The following MLIP variants were observed in gnomAD, a reference collection of about 807,000 sequenced individuals.
The protein encoded by MLIP is muscular LMNA interacting protein.
Under a neutral mutation model 84.8 loss-of-function variants are expected in MLIP, and 79 were observed. The ratio of observed to expected loss-of-function variants is 0.93; its 90% CI spans 0.78 to 1.12. The LOEUF is 1.12. Ranked by LOEUF, MLIP falls within the 50% of genes most tolerant of loss-of-function variation. The probability of loss-of-function intolerance (pLI) is 0.00; values close to 1 mark genes in which losing one functional copy is unlikely to be tolerated. For missense variants in MLIP, 1,257 were observed against 1,160.6 expected (o/e 1.08, Z -1.21); for synonymous variants, 504 against 463.0 (o/e 1.09, Z -1.14).
At chr6:54,122,383 G>A (rs1770531492) in intron 2 of MLIP, among the ~76,000 whole-genome samples, 1 of 152,106 alleles carries the variant, frequency 6.6e-6, no homozygotes, top group African/African-American at 2.4e-5. Context: ...GATGGGAAGT[G>A]AAATTACACA....
chr6:54,195,929 G>T (rs1431117840), intron 10 of MLIP, among the ~76,000 whole-genome samples: 3 of 152,120 alleles, frequency 2.0e-5, no homozygotes, highest in Non-Finnish European at 4.4e-5. Context: ...AAATGAAGAA[G>T]ATTAAAATCG....
chr6:54,263,834 T>A (rs1369471434), intron 13 of MLIP, among the ~76,000 whole-genome samples: 2 of 152,112 alleles, frequency 1.3e-5, no homozygotes, highest in Non-Finnish European at 2.9e-5. Flanking sequence ...TGTTGTTTCA[T>A]TGGCAATATA....
At chr6:54,197,790 A>G (rs1562046777) in intron 10 of MLIP, among the ~76,000 whole-genome samples, 1 of 152,108 alleles carries the variant, frequency 6.6e-6, no homozygotes, top group African/African-American at 2.4e-5. Flanking sequence ...AATATTGCTG[A>G]ACAATGACAA....
chr6:54,214,239 T>G (rs1488416423), intron 11 of MLIP, among the ~76,000 whole-genome samples: 1 of 152,208 alleles, frequency 6.6e-6, no homozygotes, highest in Non-Finnish European at 1.5e-5. Flanking sequence ...TCCCTCTTTT[T>G]GTAAAAGGCT....
chr6:54,057,169 T>G (rs1188628078), intron 1 of MLIP, among the ~76,000 whole-genome samples: 1 of 152,202 alleles, frequency 6.6e-6, no homozygotes, highest in African/African-American at 2.4e-5. Flanking sequence ...CCCAAAGACA[T>G]GCACAGCTAG....
intron 9 of MLIP, among the ~76,000 whole-genome samples, chr6:54,170,602 T>C (rs1348021262): frequency 6.6e-6 from 1 of 151,546 alleles, no homozygotes; most frequent in African/African-American, 2.4e-5. Context: ...AAAATCACAG[T>C]GTTGCTTTTA....
At chr6:54,027,408 C>T (rs141398314) in intron 1 of MLIP, among the ~76,000 whole-genome samples, 1 of 111,042 alleles carries the variant, frequency 9.0e-6, no homozygotes, top group East Asian at 4.1e-4. Context: ...CACACACACA[C>T]ACACACACAC....
chr6:54,209,004 T>A (rs564599000), intron 11 of MLIP, among the ~76,000 whole-genome samples: 3 of 152,300 alleles, frequency 2.0e-5, no homozygotes, highest in African/African-American at 7.2e-5. Flanking sequence ...AGACGTGAGA[T>A]CAAGGTAGAA....
upstream of MLIP, among the ~76,000 whole-genome samples, chr6:54,108,103 C>T (rs1034600382): frequency 2.0e-5 from 3 of 152,064 alleles, no homozygotes; most frequent in African/African-American, 7.2e-5. Flanking sequence ...TGACGGATGC[C>T]TGCTTCAGCT....
At chr6:54,225,868 C>T (rs944204930) in intron 11 of MLIP, among the ~76,000 whole-genome samples, 1 of 152,076 alleles carries the variant, frequency 6.6e-6, no homozygotes, top group African/African-American at 2.4e-5. Flanking sequence ...TAAAGATGTA[C>T]TGTAAAGATA....
Position 54,148,324 on chromosome 6 carries a change from T to G in MLIP, c.2218-732T>G, listed in dbSNP as rs1192224964. ...CCTGATTTCTACAGCTTCCTCATGC[T>G]CACCCATCTCCCTCAGATATTCTAC... On this transcript the variant is annotated intron_variant, in intron 4 of 13. Transcript: ENST00000502396. Among the ~76,000 whole-genome samples, 5 of 152,262 alleles carry G rather than the reference T, an allele frequency of 3.3e-5. No individual in the cohort carries two copies. The East Asian group carries it at 9.7e-4, about 29-fold the overall frequency.
chr6:54,170,100 G>T (rs1775623786), intron 9 of MLIP, among the ~76,000 whole-genome samples: 1 of 151,596 alleles, frequency 6.6e-6, no homozygotes, highest in South Asian at 2.1e-4. Context: ...AGCTGGCTCT[G>T]AGTGTGTTAG....
intron 1 of MLIP, among the ~76,000 whole-genome samples, chr6:54,059,557 A>G (rs1261421334): frequency 1.3e-5 from 2 of 152,202 alleles, no homozygotes; most frequent in African/African-American, 4.8e-5. Context: ...TGGGGATGAG[A>G]AAAGAAATAA....
At chr6:54,223,835 A>G (rs1038307758) in intron 11 of MLIP, among the ~76,000 whole-genome samples, 2 of 152,104 alleles carry the variant, frequency 1.3e-5, no homozygotes, top group Non-Finnish European at 2.9e-5. Flanking sequence ...AAAAATAGAA[A>G]ATAAAATTTC....
chr6:54,242,755 C>T (rs900666455), intron 12 of MLIP, among the ~76,000 whole-genome samples: 1 of 152,080 alleles, frequency 6.6e-6, no homozygotes, highest in Non-Finnish European at 1.5e-5. Context: ...AAAGGAACAG[C>T]TCTTTGAGAT....
chr6:54,144,587 A>G (rs914296826), intron 4 of MLIP, among the ~76,000 whole-genome samples: 8 of 152,156 alleles, frequency 5.3e-5, no homozygotes, highest in African/African-American at 1.7e-4. Flanking sequence ...TTGCACTCCT[A>G]TGAGAATCTA....
At position 54,215,148 on chromosome 6, in the gene MLIP, T is replaced by A. The variant is rs74883660; in HGVS notation, c.2718+12915T>A. 820 of 1,535,556 alleles carry A rather than the reference T, an allele frequency of 5.3e-4. 3 individuals are homozygous for A. The African/African-American group carries it at 0.01, about 19-fold the overall frequency. On this transcript the variant is annotated intron_variant, in intron 11 of 13. Coordinates refer to ENST00000502396, the MANE Select transcript of MLIP (RefSeq NM_001281747.2). ...GTCCACTTTACACTCAGGCTGCACA[T>A]TCTGTGGACTCCTACTGCAACGGAA...
chr6:54,141,005 G>C (rs1772247458), intron 4 of MLIP, among the ~76,000 whole-genome samples: 1 of 152,076 alleles, frequency 6.6e-6, no homozygotes, highest in Non-Finnish European at 1.5e-5. Flanking sequence ...AAATAACAGG[G>C]ATCATAGAAT....
intron 5 of MLIP, among the ~76,000 whole-genome samples, chr6:54,157,649 T>C (rs915655320): frequency 4.6e-5 from 7 of 152,090 alleles, no homozygotes; most frequent in Admixed American, 1.3e-4. Context: ...TCAACAGTTA[T>C]GTAACCTTCT....
Sources: allele counts gnomAD v4.1 joint callset (sites outside exome capture counted in the v4.1 genomes callset), GRCh38; gene constraint gnomAD v4.1.1; transcripts MANE v1.5; gene names NCBI Gene and HGNC (gene_info 2026-07-23, HGNC 2026-07-21).